The following PRKCE variants were observed in gnomAD, a reference collection of about 807,000 sequenced individuals.
PRKCE encodes protein kinase C epsilon.
PRKCE carries 16 observed loss-of-function variants against 85.4 expected under a neutral mutation model. The ratio of observed to expected loss-of-function variants is 0.19; its 90% CI spans 0.13 to 0.28. The LOEUF is 0.28. Ranked by LOEUF, PRKCE falls within the 10% of genes least tolerant of loss-of-function variation. The pLI, the probability that PRKCE is intolerant of heterozygous loss-of-function variation, is 1.00. For synonymous variants in PRKCE, 388 were observed against 371.5 expected, an observed-to-expected ratio of 1.04 and a Z score of -0.51; for missense variants, 573 against 975.2, an observed-to-expected ratio of 0.59 and a Z score of 5.49.
intron 2 of PRKCE, among the ~76,000 whole-genome samples, chr2:45,945,510 A>G (rs1329570975): frequency 6.6e-6 from 1 of 152,122 alleles, no homozygotes; most frequent in Non-Finnish European, 1.5e-5. Flanking sequence ...CACCTCCAAC[A>G]TTGGGGATTA....
intron 11 of PRKCE, among the ~76,000 whole-genome samples, chr2:46,131,518 G>A (rs905893670): frequency 2.6e-5 from 4 of 152,220 alleles, no homozygotes; most frequent in African/African-American, 9.7e-5. Context: ...TCCAGAGTAT[G>A]GGCACCCCTT....
At chr2:46,175,969 T>C (rs1313579716) in intron 14 of PRKCE, among the ~76,000 whole-genome samples, 1 of 152,154 alleles carries the variant, frequency 6.6e-6, no homozygotes, top group Non-Finnish European at 1.5e-5. Context: ...GAATCACTTA[T>C]GGAGCTTTAA....
intron 10 of PRKCE, among the ~76,000 whole-genome samples, chr2:46,062,015 A>T (rs915605096): frequency 2.6e-5 from 4 of 151,852 alleles, no homozygotes; most frequent in African/African-American, 9.7e-5. Context: ...GGCAAGTGCC[A>T]CCACGCCCGG....
At chr2:45,857,213 T>C (rs192169789) in intron 2 of PRKCE, among the ~76,000 whole-genome samples, 1 of 152,348 alleles carries the variant, frequency 6.6e-6, no homozygotes, top group East Asian at 1.9e-4. Context: ...TGATGCTTTC[T>C]AAAAATGCTT....
chr2:46,111,423 C>G (rs920162389), intron 11 of PRKCE, among the ~76,000 whole-genome samples: 1 of 152,132 alleles, frequency 6.6e-6, no homozygotes, highest in Non-Finnish European at 1.5e-5. Context: ...GCAGTCATCA[C>G]CACAATCAAC....
At chr2:46,078,224 T>A (rs1410050242) in intron 10 of PRKCE, 2 of 152,120 alleles carry the variant, frequency 1.3e-5, no homozygotes, top group Non-Finnish European at 2.9e-5. Flanking sequence ...TGATGCCATT[T>A]TACAACTCCA....
intron 1 of PRKCE, among the ~76,000 whole-genome samples, chr2:45,737,799 C>T (rs1206714849): frequency 1.3e-5 from 2 of 152,102 alleles, no homozygotes; most frequent in Non-Finnish European, 2.9e-5. Flanking sequence ...TAAGACTCAC[C>T]CCCTCTGCTG....
At chr2:45,879,733 G>T (rs1018544100) in intron 2 of PRKCE, among the ~76,000 whole-genome samples, 5 of 152,206 alleles carry the variant, frequency 3.3e-5, no homozygotes, top group Middle Eastern at 3.2e-3. Context: ...CTCCTGTCAC[G>T]AGGCCGTGAA....
chr2:45,776,948 A>C (rs1465281707), intron 1 of PRKCE, among the ~76,000 whole-genome samples: 10 of 151,906 alleles, frequency 6.6e-5, no homozygotes, highest in Admixed American at 6.6e-4. Context: ...TTTTTTTTTG[A>C]TATAACTAAA....
intron 1 of PRKCE, among the ~76,000 whole-genome samples, chr2:45,732,286 C>T (rs1681646451): frequency 6.6e-6 from 1 of 151,934 alleles, no homozygotes; most frequent in African/African-American, 2.4e-5. Context: ...ATAGGTGAGC[C>T]CTGAATGCCA....
chr2:45,706,352 G>A (rs1239222493), intron 1 of PRKCE, among the ~76,000 whole-genome samples: 3 of 152,150 alleles, frequency 2.0e-5, no homozygotes, highest in East Asian at 1.9e-4. Context: ...TGATGGTAAT[G>A]AGAAAATGAG....
intron 2 of PRKCE, among the ~76,000 whole-genome samples, chr2:45,881,336 A>C (rs1248215841): frequency 6.6e-6 from 1 of 152,196 alleles, no homozygotes; most frequent in Non-Finnish European, 1.5e-5. Context: ...TGGAAAACAA[A>C]GGATGAGACA....
At chr2:45,939,117 T>C (rs1349315009) in intron 2 of PRKCE, among the ~76,000 whole-genome samples, 2 of 152,106 alleles carry the variant, frequency 1.3e-5, no homozygotes, top group African/African-American at 2.4e-5. Flanking sequence ...TCCCGGAAAA[T>C]ATAAAACCAA....
intron 1 of PRKCE, among the ~76,000 whole-genome samples, chr2:45,691,646 G>T (rs1558561794): frequency 6.6e-6 from 1 of 152,168 alleles, no homozygotes. Flanking sequence ...CTTCGTGTGT[G>T]AAGAGAGACA....
chr2:46,085,971 A>C (rs1669599793), intron 10 of PRKCE, among the ~76,000 whole-genome samples: 1 of 152,068 alleles, frequency 6.6e-6, no homozygotes. Context: ...CTTCCACTAG[A>C]CCGAGGTGAT....
intron 10 of PRKCE, among the ~76,000 whole-genome samples, chr2:46,081,666 C>T (rs1272308523): frequency 6.6e-6 from 1 of 152,154 alleles, no homozygotes; most frequent in Non-Finnish European, 1.5e-5. Context: ...GCAGAAAGAA[C>T]AGTGTGAGTA....
intron 14 of PRKCE, among the ~76,000 whole-genome samples, chr2:46,163,830 GGAGGCCACTGAGAGACACA>G (rs1678039288): frequency 1.1e-5 from 1 of 90,388 alleles, no homozygotes. Context: ...CACACCCCAC[GGAGGCCACTGAGAGACACA>G]GGGAAGCTGA....
intron 1 of PRKCE, among the ~76,000 whole-genome samples, chr2:45,725,939 G>C (rs1418163750): frequency 3.3e-5 from 5 of 152,168 alleles, no homozygotes; most frequent in Non-Finnish European, 7.4e-5. Flanking sequence ...GTTAATTCCA[G>C]CTCCGTGGAT....
intron 6 of PRKCE, among the ~76,000 whole-genome samples, chr2:45,995,477 G>C (rs1243507975): frequency 6.6e-6 from 1 of 152,104 alleles, no homozygotes; most frequent in African/African-American, 2.4e-5. Flanking sequence ...GAGTTTCATA[G>C]TTTTGCCTTT....
Sources: gnomAD v4.1 joint callset for allele counts (sites outside exome capture counted in the v4.1 genomes callset) on GRCh38, gnomAD v4.1.1 for gene constraint, MANE v1.5 for transcripts, NCBI Gene and HGNC (gene_info 2026-07-23, HGNC 2026-07-21) for gene names.